ERCC5: variants seen among roughly 807,000 people sequenced by gnomAD.
ERCC5 encodes the protein ERCC excision repair 5, endonuclease, also known as DNA excision repair protein ERCC-5.
ERCC5 carries 68 observed loss-of-function variants against 105.6 expected under a neutral mutation model. The ratio of observed to expected loss-of-function variants is 0.64; its 90% confidence interval spans 0.53 to 0.79. The LOEUF (loss-of-function observed/expected upper bound fraction) is 0.79, where lower values mean the gene tolerates loss of function less well. Ranked by LOEUF, ERCC5 falls within the 30% of genes least tolerant of loss-of-function variation. The pLI, the probability that ERCC5 is intolerant of heterozygous loss-of-function variation, is 0.00. For synonymous variants in ERCC5, 546 were observed against 526.2 expected (o/e 1.04, Z -0.51); for missense variants, 1,373 against 1,426.7 (o/e 0.96, Z 0.61).
intron 1 of ERCC5, among the ~76,000 whole-genome samples, chr13:102,848,751 T>C (rs1045728198): frequency 6.6e-6 from 1 of 152,230 alleles, no homozygotes; most frequent in Non-Finnish European, 1.5e-5. Flanking sequence ...TCAGATTGTC[T>C]CATTTTTCAT....
chr13:102,875,923 T>C lies in ERCC5; in HGVS notation c.*20T>C, dbSNP rs1256273172. 6.3e-7 allele frequency: 1 copy of C among 1,598,548 alleles called. No homozygotes were observed. Among genetic ancestry groups the C allele is most frequent in the Non-Finnish European group, 8.5e-7 (1 of 1,178,420 alleles). ...ACCTAATTAAAAAATATGTATCCTC[T>C]ATAATTAGTTATGACAGCCATTTGT... is the stretch of plus-strand genomic sequence containing the variant. On this transcript the variant is annotated 3_prime_UTR_variant, in exon 15 of 15. Coordinates refer to ENST00000652225, the MANE Select transcript of ERCC5 (RefSeq NM_000123.4).
Position 102,858,385 on chromosome 13 carries a change from G to C in ERCC5, c.639G>C (p.Lys213Asn), listed in dbSNP as rs1180465604. Residue 213 changes from lysine (K) to asparagine (N), a missense_variant, in exon 6 of 15, where the codon AAG becomes AAC. Coordinates refer to ENST00000652225, the MANE Select transcript of ERCC5 (RefSeq NM_000123.4). The stretch of plus-strand genomic sequence containing the variant: ...TGACTGATATGAAAGAGTTCACCAA[G>C]CGCAGAAGAACATTATTTGAAGCAA... ...EILTDMKEFT[K>N]RRRTLFEAMP... is the part of the protein sequence containing the mutation. The C allele has an allele frequency of 6.2e-7, 1 of 1,613,966 alleles. No individual in the cohort carries two copies. Among genetic ancestry groups the C allele is most frequent in the Non-Finnish European group, 8.5e-7 (1 of 1,180,006 alleles).
intron 1 of ERCC5, among the ~76,000 whole-genome samples, chr13:102,847,130 G>A (rs1442067321): frequency 6.6e-6 from 1 of 152,162 alleles, no homozygotes; most frequent in Non-Finnish European, 1.5e-5. Flanking sequence ...TTAGAGGAAG[G>A]ATAGTGTGGA....
Position 102,846,168 on chromosome 13 carries a change from G to A in ERCC5, c.-99G>A, listed in dbSNP as rs986174624. 6.7e-5 allele frequency: 64 copies of A among 955,882 alleles called. 1 individual carries two copies. In the African/African-American group the frequency reaches 1.0e-3, roughly 15 times the overall value. The allele number at this position is 955,882 out of a possible 1,614,324, so 59.2% of individuals were successfully genotyped here. A position where few individuals can be genotyped will look rare whatever the true frequency, so the allele number is the denominator to read the frequency against. Reference sequence around the variant, plus strand: ...TTGCCATCTTTGTTGTGTAGGAGCAGGGAGGGCTTCCTCCCGGGGTCCTAG... The same window carrying A: ...TTGCCATCTTTGTTGTGTAGGAGCAAGGAGGGCTTCCTCCCGGGGTCCTAG... On this transcript the variant is annotated 5_prime_UTR_variant, in exon 1 of 15. Coordinates refer to ENST00000652225, the MANE Select transcript of ERCC5 (RefSeq NM_000123.4).
Position 102,846,199 on chromosome 13 carries a change from G to C in ERCC5, c.-68G>C. 1 of 1,353,068 alleles carries C rather than the reference G, an allele frequency of 7.4e-7. No homozygotes were observed. The highest frequency in any genetic ancestry group is 1.0e-6 in the Non-Finnish European group (1 of 959,974). The allele number at this position is 1,353,068 out of a possible 1,614,324, so 83.8% of individuals were successfully genotyped here. A position where few individuals can be genotyped will look rare whatever the true frequency, so the allele number is the denominator to read the frequency against. On this transcript the variant is annotated 5_prime_UTR_variant, in exon 1 of 15. Coordinates refer to ENST00000652225, the MANE Select transcript of ERCC5 (RefSeq NM_000123.4). ...GCTTCCTCCCGGGGTCCTAGGCGGC[G>C]GTGCAGTCCGTCGTAGAAGAATTAG...
chr13:102,862,814 A>C lies in ERCC5; in HGVS notation c.1665A>C (p.Lys555Asn), dbSNP rs1468039065. ...ACGAACTTTGCCCATATGAGAGTAA[A>C]TTCGATTCTTCTCTTCTTTCAAGTG... is the stretch of plus-strand genomic sequence containing the variant. Reference protein sequence around the residue: ...QQNELCPYESKFDSSLLSSDD... With the variant: ...QQNELCPYESNFDSSLLSSDD... Residue 555 changes from lysine to asparagine, a missense_variant, in exon 8 of 15, where the codon AAA (lysine) becomes AAC (asparagine). This residue lies in a region of ERCC5 where 1,004 missense variants were observed against 1,059.7 expected (regional missense o/e 0.95). Coordinates refer to ENST00000652225, the MANE Select transcript of ERCC5 (RefSeq NM_000123.4). 1 of 1,614,096 alleles carries C rather than the reference A, an allele frequency of 6.2e-7. No homozygotes were observed. The highest frequency in any genetic ancestry group is 2.2e-5 in the East Asian group (1 of 44,892).
rs778197574 is a variant in ERCC5 at position 102,866,641 on chromosome 13, C to T, written c.2329C>T (p.Arg777Cys). The change falls in exon 11 of 15, where the codon CGC becomes TGC. Residue 777 changes from arginine (R) to cysteine (C), a missense_variant. By Grantham distance (180) the Arg-to-Cys change is radical. Around this residue, in one of 3 missense-constraint regions of ERCC5, gnomAD observed 1,004 missense variants for 1,059.7 expected, o/e 0.95. Coordinates refer to ENST00000652225, the MANE Select transcript of ERCC5 (RefSeq NM_000123.4). ...ACCCCTCACTCTGCAGGAACTCCTG[C>T]GCCTGTTCGGCATTCCCTACATCCA... is the stretch of plus-strand genomic sequence containing the variant. ...QMFLESQELLRLFGIPYIQAP... is the reference protein window; with the variant it reads ...QMFLESQELLCLFGIPYIQAP... 41 of 1,613,178 alleles carry T rather than the reference C, an allele frequency of 2.5e-5. No homozygotes were observed. The highest frequency in any genetic ancestry group is 1.7e-4 in the African/African-American group (13 of 74,924).
At chr13:102,849,268 T>A in intron 1 of ERCC5, 1 of 518,274 alleles carries the variant, frequency 1.9e-6, no homozygotes, top group East Asian at 5.4e-5. Context: ...TGTAACTCAT[T>A]TTAGAACTGG....
chr13:102,846,998 A>G (rs1881991088), intron 1 of ERCC5, among the ~76,000 whole-genome samples: 1 of 152,218 alleles, frequency 6.6e-6, no homozygotes, highest in African/African-American at 2.4e-5. Flanking sequence ...CCTACATGAG[A>G]GAAGTTTAGT....
rs143469763 is a variant in ERCC5, at chr13:102,857,866, T to C, written c.529-409T>C. Among the ~76,000 whole-genome samples, 209 of 152,330 alleles carry C rather than the reference T, an allele frequency of 1.4e-3. 1 individual carries two copies. Among genetic ancestry groups the C allele is most frequent in the African/African-American group, 4.9e-3 (202 of 41,576 alleles). On this transcript the variant is annotated intron_variant, in intron 5 of 14. Coordinates refer to ENST00000652225, the MANE Select transcript of ERCC5 (RefSeq NM_000123.4). ...ATCAAATAGATCTTTTTTTCCACGT[T>C]CTGTTCATGTAATCACTCTCATATC...
At chr13:102,851,369 A>G (rs984666359) in intron 1 of ERCC5, among the ~76,000 whole-genome samples, 3 of 152,130 alleles carry the variant, frequency 2.0e-5, no homozygotes, top group African/African-American at 7.2e-5. Context: ...ATCTCGGCTC[A>G]CTGCAACCTC....
Position 102,846,323 on chromosome 13 carries a change from C to T in ERCC5, c.57C>T (p.Pro19=), listed in dbSNP as rs1374539446. 6.2e-7 allele frequency: 1 copy of T among 1,613,916 alleles called. No homozygotes were observed. Among genetic ancestry groups the T allele is most frequent in the Non-Finnish European group, 8.5e-7 (1 of 1,180,020 alleles). Residue 19 remains proline, a synonymous_variant, in exon 1 of 15, where the codon CCC becomes CCT. Transcript: ENST00000652225. ...LLECSGRQVS[P]EALEGKILAV... ...AGTGCTCCGGGCGGCAGGTCAGCCCCGAAGCGCTGGAAGGGAAGATCCTGG... is the reference window on the plus strand; with the variant it reads ...AGTGCTCCGGGCGGCAGGTCAGCCCTGAAGCGCTGGAAGGGAAGATCCTGG...
intron 5 of ERCC5, among the ~76,000 whole-genome samples, chr13:102,857,222 G>A (rs191222667): frequency 3.8e-4 from 58 of 152,340 alleles, no homozygotes; most frequent in African/African-American, 1.1e-3. Context: ...TTGCGGAGGT[G>A]CTGTGCTATT....
intron 12 of ERCC5, among the ~76,000 whole-genome samples, chr13:102,871,072 C>T (rs1041625218): frequency 6.6e-6 from 1 of 152,224 alleles, no homozygotes; most frequent in African/African-American, 2.4e-5. Flanking sequence ...TGTCTTGTCT[C>T]TGTTCCATGT....
chr13:102,848,917 T>C (rs1882085026), intron 1 of ERCC5, among the ~76,000 whole-genome samples: 1 of 152,144 alleles, frequency 6.6e-6, no homozygotes, highest in Admixed American at 6.5e-5. Flanking sequence ...CCTACCTCAG[T>C]CTCTATGATT....
intron 6 of ERCC5, chr13:102,858,994 C>A: frequency 2.2e-6 from 1 of 449,910 alleles, no homozygotes; most frequent in Non-Finnish European, 4.5e-6. Flanking sequence ...GCGAATGGGG[C>A]TTCTTCACCT....
intron 1 of ERCC5, among the ~76,000 whole-genome samples, chr13:102,851,832 C>CT (rs1361538272): frequency 1.0e-5 from 1 of 99,326 alleles, no homozygotes; most frequent in African/African-American, 4.3e-5. Context: ...TTAGCAATCA[C>CT]TTATTTTTTT....
At chr13:102,863,510 T>C (rs922748769) in intron 8 of ERCC5, among the ~76,000 whole-genome samples, 11 of 152,226 alleles carry the variant, frequency 7.2e-5, no homozygotes, top group Non-Finnish European at 1.6e-4. Context: ...TCTGTGGCCC[T>C]CTATATGTAT....
chr13:102,872,549 C>T lies in ERCC5; in HGVS notation c.2879+151C>T, dbSNP rs917999636. 5 of 995,156 alleles carry T rather than the reference C, an allele frequency of 5.0e-6. No individual in the cohort carries two copies. The African/African-American group carries it at 8.1e-5, about 16-fold the overall frequency. 61.6% of individuals were successfully genotyped at this position (995,156 alleles called of 1,614,324 possible). ...CGCTCTCCTTTTCACTCTTTCTTCC[C>T]TCTCCTCAGTTGTTGTTTTTTGTTT... On this transcript the variant is annotated intron_variant, in intron 13 of 14. Coordinates refer to ENST00000652225, the MANE Select transcript of ERCC5 (RefSeq NM_000123.4).
Sources: gnomAD v4.1 joint callset for allele counts (sites outside exome capture counted in the v4.1 genomes callset) on GRCh38, gnomAD v4.1.1 for gene constraint, gnomAD v4.1.1 regional missense constraint, MANE v1.5 for transcripts, NCBI Gene and HGNC (gene_info 2026-07-23, HGNC 2026-07-21) for gene names.